Variants in LRP1B observed in about 807,000 individuals in gnomAD.
LRP1B encodes the protein low-density lipoprotein receptor-related protein 1B.
In LRP1B, 217 loss-of-function variants were observed where a neutral mutation model predicts 556.6. That is an observed-to-expected ratio of 0.39 (90% CI 0.35 to 0.44). The LOEUF is 0.44. Ranked by LOEUF, LRP1B falls within the 20% of genes least tolerant of loss-of-function variation. The pLI is 1.00. For synonymous variants in LRP1B, 2,047 were observed against 1,865.8 expected, an observed-to-expected ratio of 1.10 and a Z score of -2.50; for missense variants, 5,053 against 5,620.8, an observed-to-expected ratio of 0.90 and a Z score of 3.23.
intron 59 of LRP1B, among the ~76,000 whole-genome samples, chr2:140,477,069 T>C (rs1688006076): frequency 6.6e-6 from 1 of 152,058 alleles, no homozygotes; most frequent in South Asian, 2.1e-4. Context: ...TACAATTCAG[T>C]ACTTTCCAAT....
chr2:140,828,569 A>G lies in LRP1B; in HGVS notation c.5209+11422T>C, dbSNP rs1370980446. On this transcript the variant is annotated intron_variant, in intron 31 of 90. Transcript: ENST00000389484. ...GCTTGCAGTGAGCCGAGATCGCGCC[A>G]CTGCACTCCAGCCTGGGCGACAGAG... Among the ~76,000 whole-genome samples the G allele has an allele frequency of 5.6e-5, 7 of 125,104 alleles. No individual in the cohort carries two copies. In the Admixed American group the frequency reaches 6.9e-4, roughly 12 times the overall value. The allele number at this position is 125,104 out of a possible 152,430, so 82.1% of individuals were successfully genotyped here.
rs79549345 is a variant in LRP1B, at chr2:141,060,775, C to T, written c.1236+1276G>A. On this transcript the variant is annotated intron_variant, in intron 8 of 90. Coordinates refer to ENST00000389484, the MANE Select transcript of LRP1B (RefSeq NM_018557.3). ...AAAACAGGCACCTCTGCTAATTACA[C>T]CCTAGGCAGAGGTAGGAGAAGCCTG... Among the ~76,000 whole-genome samples the T allele has an allele frequency of 8.0e-3, 1,219 of 151,816 alleles. 13 individuals are homozygous for T. Among genetic ancestry groups the T allele is most frequent in the African/African-American group, 0.028 (1,165 of 41,476 alleles).
At chr2:141,694,235 T>C (rs79159923) in intron 2 of LRP1B, among the ~76,000 whole-genome samples, 4 of 152,024 alleles carry the variant, frequency 2.6e-5, no homozygotes, top group Admixed American at 2.6e-4. Flanking sequence ...TACCACTGCA[T>C]CATGTGCCTT....
intron 1 of LRP1B, among the ~76,000 whole-genome samples, chr2:141,997,893 C>T (rs975939988): frequency 1.3e-5 from 2 of 151,938 alleles, no homozygotes; most frequent in Non-Finnish European, 2.9e-5. Context: ...CTCTGTTTTT[C>T]CTTATGGAAA....
intron 1 of LRP1B, among the ~76,000 whole-genome samples, chr2:142,082,935 G>A (rs1705774606): frequency 6.6e-6 from 1 of 151,988 alleles, no homozygotes. Flanking sequence ...TCTTCCCCAC[G>A]ATTGTTATCT....
intron 2 of LRP1B, among the ~76,000 whole-genome samples, chr2:141,613,950 A>T (rs1688198688): frequency 6.6e-6 from 1 of 151,432 alleles, no homozygotes; most frequent in South Asian, 2.1e-4. Flanking sequence ...GCAGGCGCCT[A>T]TAATCCCAGC....
chr2:140,883,078 A>G (rs755534271), intron 25 of LRP1B, among the ~76,000 whole-genome samples: 4 of 152,304 alleles, frequency 2.6e-5, no homozygotes, highest in Middle Eastern at 3.4e-3. Flanking sequence ...ATTATCCCCA[A>G]TTCATAGAAT....
chr2:141,977,309 C>G lies in LRP1B; in HGVS notation c.82+153339G>C, dbSNP rs1007346178. Among the ~76,000 whole-genome samples, 3 of 152,106 alleles carry G rather than the reference C, an allele frequency of 2.0e-5. No individual in the cohort carries two copies. The East Asian group carries it at 5.8e-4, about 29-fold the overall frequency. On this transcript the variant is annotated intron_variant, in intron 1 of 90. Transcript: ENST00000389484. Reference sequence around the variant, plus strand: ...AAAGGCCACTGGGCACGGTGGCTCACGACTATAATCCCAGCACTTTGGGAG... The same window carrying G: ...AAAGGCCACTGGGCACGGTGGCTCAGGACTATAATCCCAGCACTTTGGGAG...
intron 35 of LRP1B, among the ~76,000 whole-genome samples, chr2:140,751,095 C>T (rs554738581): frequency 3.3e-5 from 5 of 149,624 alleles, no homozygotes; most frequent in Admixed American, 1.4e-4. Flanking sequence ...TGGGTTCAAG[C>T]GATTCTCCTG....
intron 2 of LRP1B, among the ~76,000 whole-genome samples, chr2:141,701,075 T>C (rs1346735411): frequency 1.3e-5 from 2 of 151,884 alleles, no homozygotes; most frequent in Non-Finnish European, 2.9e-5. Flanking sequence ...GCTGTGTCAC[T>C]GTGATTGGAC....
chr2:141,027,529 G>C (rs1698248545), intron 11 of LRP1B, among the ~76,000 whole-genome samples: 1 of 152,078 alleles, frequency 6.6e-6, no homozygotes, highest in South Asian at 2.1e-4. Flanking sequence ...CTGGGGCACT[G>C]TTATAAGCTA....
chr2:142,090,577 C>A (rs923104844), intron 1 of LRP1B, among the ~76,000 whole-genome samples: 1 of 152,126 alleles, frequency 6.6e-6, no homozygotes, highest in African/African-American at 2.4e-5. Context: ...AACAAAAATA[C>A]TCCAAATAAT....
intron 3 of LRP1B, among the ~76,000 whole-genome samples, chr2:141,403,890 G>A (rs1179773774): frequency 2.6e-5 from 4 of 152,108 alleles, no homozygotes; most frequent in East Asian, 1.9e-4. Flanking sequence ...CAGTTACACT[G>A]CCCTACTTCT....
rs187620458 is a variant in LRP1B at position 141,912,717 on chromosome 2, C to T, written c.83-102316G>A. ...GAAATTCCCATGTGAAAGATGTCCT[C>T]CCTATACTAGAAGGAAAGTTCATCT... On this transcript the variant is annotated intron_variant, in intron 1 of 90. Coordinates refer to ENST00000389484, the MANE Select transcript of LRP1B (RefSeq NM_018557.3). Among the ~76,000 whole-genome samples the T allele has an allele frequency of 2.6e-5, 4 of 152,272 alleles. No individual in the cohort carries two copies. In the East Asian group the frequency reaches 7.7e-4, roughly 29 times the overall value.
chr2:140,436,488 T>C (rs1686185088), intron 66 of LRP1B, among the ~76,000 whole-genome samples: 1 of 152,148 alleles, frequency 6.6e-6, no homozygotes, highest in African/African-American at 2.4e-5. Flanking sequence ...CCACAGAATG[T>C]CATTAACTGT....
intron 66 of LRP1B, among the ~76,000 whole-genome samples, chr2:140,413,377 CCT>C (rs1685045997): frequency 6.6e-6 from 1 of 152,070 alleles, no homozygotes; most frequent in South Asian, 2.1e-4. Flanking sequence ...GAGAAAATCC[CCT>C]TAGAGACAGA....
At chr2:140,822,112 T>A (rs759231325) in intron 31 of LRP1B, among the ~76,000 whole-genome samples, 1 of 152,228 alleles carries the variant, frequency 6.6e-6, no homozygotes, top group Non-Finnish European at 1.5e-5. Flanking sequence ...CAAGCCAAGT[T>A]CCTTTATATG....
intron 86 of LRP1B, among the ~76,000 whole-genome samples, chr2:140,269,756 A>G (rs960932360): frequency 2.6e-5 from 4 of 151,964 alleles, no homozygotes; most frequent in Non-Finnish European, 5.9e-5. Context: ...GGTGTTGAGA[A>G]ACTCAGACAC....
At chr2:141,961,126 T>C (rs1309267302) in intron 1 of LRP1B, among the ~76,000 whole-genome samples, 2 of 151,808 alleles carry the variant, frequency 1.3e-5, no homozygotes, top group East Asian at 1.9e-4. Context: ...TACTTGGAGA[T>C]AATTATGAGC....
Sources: gnomAD v4.1 joint callset for allele counts (sites outside exome capture counted in the v4.1 genomes callset) on GRCh38, gnomAD v4.1.1 for gene constraint, MANE v1.5 for transcripts, NCBI Gene and HGNC (gene_info 2026-07-23, HGNC 2026-07-21) for gene names.